KDM2B: variants seen among roughly 807,000 people sequenced by gnomAD.
KDM2B encodes lysine-specific demethylase 2B.
KDM2B carries 26 observed loss-of-function variants against 150.0 expected under a neutral mutation model. The observed-to-expected ratio is 0.17, with a 90% confidence interval of 0.13 to 0.24. The LOEUF (loss-of-function observed/expected upper bound fraction) is 0.24, where lower values mean the gene tolerates loss of function less well. Ranked by LOEUF, KDM2B falls within the 10% of genes least tolerant of loss-of-function variation. KDM2B has a pLI of 1.00. For missense variants in KDM2B, 1,265 were observed against 1,816.9 expected (o/e 0.70, Z 5.52); for synonymous variants, 734 against 729.5 (o/e 1.01, Z -0.10).
chr12:121,440,744 A>C, intron 21 of KDM2B, 72 bp downstream of exon 21: 1 of 1,389,260 alleles, frequency 7.2e-7, no homozygotes, highest in Non-Finnish European at 9.9e-7. Flanking sequence ...CTGGGGTCTG[A>C]GGGTAAAAGC....
chr12:121,435,703 C>T (rs540140952), intron 22 of KDM2B, among the ~76,000 whole-genome samples: 1 of 152,274 alleles, frequency 6.6e-6, no homozygotes, highest in Non-Finnish European at 1.5e-5. Flanking sequence ...CTCCTTCCCC[C>T]ATCAAGCCCC....
chr12:121,569,826 T>TTTTCTTTCTTTC (rs58941915), intron 4 of KDM2B, among the ~76,000 whole-genome samples: 120 of 149,616 alleles, frequency 8.0e-4, no homozygotes, highest in African/African-American at 2.7e-3. Context: ...TTCTTTTTTC[T>TTTTCTTTCTTTC]TTTCTTTCTT....
At chr12:121,561,765 A>C (rs1890354445) in intron 4 of KDM2B, among the ~76,000 whole-genome samples, 1 of 152,224 alleles carries the variant, frequency 6.6e-6, no homozygotes, top group Non-Finnish European at 1.5e-5. Context: ...TGAGCAACTC[A>C]AAAATAATTT....
chr12:121,415,810 A>G, the KDM2B span, among the ~76,000 whole-genome samples: 3 of 151,188 alleles, frequency 2.0e-5, no homozygotes, highest in East Asian at 1.9e-4. Flanking sequence ...GCATATCCCA[A>G]ATATACCACA....
In KDM2B at chr12:121,443,931, C is replaced by G; in HGVS notation, c.2451+81G>C. ...TATCCCAAGCTCTACCTGCTGCCCACCCCCTGCCCCATCCCTCCAACCCAG... is the reference window on the plus strand; with the variant it reads ...TATCCCAAGCTCTACCTGCTGCCCAGCCCCTGCCCCATCCCTCCAACCCAG... On this transcript the variant is annotated intron_variant, in intron 16 of 22. Coordinates refer to ENST00000377071, the MANE Select transcript of KDM2B (RefSeq NM_032590.5). 7 of 1,511,242 alleles carry G rather than the reference C, an allele frequency of 4.6e-6. No homozygotes were observed. In the South Asian group the frequency reaches 8.7e-5, roughly 19 times the overall value. The allele number at this position is 1,511,242 out of a possible 1,614,324, so 93.6% of individuals were successfully genotyped here.
intron 11 of KDM2B, among the ~76,000 whole-genome samples, chr12:121,496,502 T>A (rs1555301011): frequency 6.7e-6 from 1 of 148,870 alleles, no homozygotes; most frequent in Non-Finnish European, 1.5e-5. Flanking sequence ...CCTTTTTTTT[T>A]TTTTTTTTTT....
At chr12:121,411,973 AT>A in the KDM2B span, among the ~76,000 whole-genome samples, 1 of 152,230 alleles carries the variant, frequency 6.6e-6, no homozygotes, top group Non-Finnish European at 1.5e-5. Flanking sequence ...TGCAAACTAA[AT>A]TTTTTAGAAC....
At position 121,453,262 on chromosome 12, in the gene KDM2B, G is replaced by A; in HGVS notation, c.1817C>T (p.Ala606Val). The stretch of plus-strand genomic sequence containing the variant: ...GCGGCATCGCGTCCGGCGCCGCCGA[G>A]CTCCTGCCGTTGTCCGGTTGGCGGC... Reference protein sequence around the residue: ...KLAANRTTAGARRRRTRCRKC... With the variant: ...KLAANRTTAGVRRRRTRCRKC... Residue 606 changes from alanine to valine, a missense_variant, in exon 13 of 23, where the codon GCT (alanine) becomes GTT (valine). By Grantham distance (64) the Ala-to-Val change is moderately conservative. Transcript: ENST00000377071. The surrounding 1 kb of genome is among the most constrained non-coding windows in gnomAD (Gnocchi z 6.4). The A allele has an allele frequency of 6.2e-7, 1 of 1,607,162 alleles. No homozygotes were observed. Among genetic ancestry groups the A allele is most frequent in the Non-Finnish European group, 8.5e-7 (1 of 1,177,654 alleles).
chr12:121,531,108 C>A (rs1887630445), intron 8 of KDM2B, among the ~76,000 whole-genome samples: 1 of 152,100 alleles, frequency 6.6e-6, no homozygotes, highest in Non-Finnish European at 1.5e-5. Context: ...CCACCTCCTT[C>A]CCGAGTCTCC....
chr12:121,544,114 CAAAAAAAAAAAAA>C (rs57873693), intron 6 of KDM2B, among the ~76,000 whole-genome samples: 2 of 42,928 alleles, frequency 4.7e-5, no homozygotes, highest in Admixed American at 4.9e-4. Flanking sequence ...GACCCTGCCT[CAAAAAAAAAAAAA>C]AAAAAAAAAA....
At chr12:121,555,419 C>CTAGA (rs1433974974) in intron 4 of KDM2B, among the ~76,000 whole-genome samples, 1 of 152,160 alleles carries the variant, frequency 6.6e-6, no homozygotes, top group African/African-American at 2.4e-5. Flanking sequence ...GTCTCCCAGG[C>CTAGA]TAGAGTGCAG....
intron 13 of KDM2B, among the ~76,000 whole-genome samples, chr12:121,448,526 C>T (rs1180483668): frequency 1.3e-5 from 2 of 151,978 alleles, no homozygotes; most frequent in Non-Finnish European, 2.9e-5. Context: ...TTGATGCACC[C>T]GGCTGTGAGC....
At chr12:121,527,492 A>T (rs1298972359) in intron 8 of KDM2B, among the ~76,000 whole-genome samples, 1 of 150,652 alleles carries the variant, frequency 6.6e-6, no homozygotes, top group African/African-American at 2.4e-5. Context: ...CTCTACTAAA[A>T]ATACAAAAAA....
At chr12:121,431,295 CTTTTTTTTTT>C (rs71453557) in intron 22 of KDM2B, among the ~76,000 whole-genome samples, 24 of 98,958 alleles carry the variant, frequency 2.4e-4, no homozygotes, top group East Asian at 6.3e-4. Flanking sequence ...CCATGTGCAA[CTTTTTTTTTT>C]TTTTTTTTTT....
chr12:121,538,967 C>T (rs1319564167), intron 6 of KDM2B, among the ~76,000 whole-genome samples: 1 of 152,062 alleles, frequency 6.6e-6, no homozygotes, highest in African/African-American at 2.4e-5. Context: ...TCACCAGAGT[C>T]CCCGCCCTCC....
In KDM2B at chr12:121,430,993, A is replaced by G. The variant is rs76659022; in HGVS notation, c.3830-524T>C. Among the ~76,000 whole-genome samples the G allele has an allele frequency of 0.019, 2,880 of 152,260 alleles. 95 individuals carry two copies. Among genetic ancestry groups the G allele is most frequent in the African/African-American group, 0.065 (2,699 of 41,540 alleles). On this transcript the variant is annotated intron_variant, in intron 22 of 22. Transcript: ENST00000377071. The surrounding 1 kb of genome is among the most constrained non-coding windows in gnomAD (Gnocchi z 4.4). ...TTGCAGGCCGCAGTGCTTTGGAGCA[A>G]TTCACAGCATGAGGGACAGCTGTTT...
At chr12:121,493,064 T>C (rs1487946220) in intron 12 of KDM2B, among the ~76,000 whole-genome samples, 16 of 133,076 alleles carry the variant, frequency 1.2e-4, no homozygotes, top group Non-Finnish European at 2.4e-4. Flanking sequence ...CCTGGCTTTT[T>C]TTTTTTTTTT....
chr12:121,415,306 A>G, the KDM2B span: 1 of 381,926 alleles, frequency 2.6e-6, no homozygotes, highest in Non-Finnish European at 5.7e-6. Context: ...GCGAAAACAG[A>G]GGTTTAAGGA....
intron 6 of KDM2B, 154 bp from the exon 7 acceptor site, chr12:121,534,744 G>A (rs1032011148): frequency 4.2e-5 from 25 of 602,244 alleles, no homozygotes; most frequent in Middle Eastern, 8.0e-4. Flanking sequence ...AAATGTAATC[G>A]GAGTTCCCCA....
Sources: allele counts gnomAD v4.1 joint callset (sites outside exome capture counted in the v4.1 genomes callset), GRCh38; gene constraint gnomAD v4.1.1; non-coding constraint Gnocchi (gnomAD v3.1); transcripts MANE v1.5; gene names NCBI Gene and HGNC (gene_info 2026-07-23, HGNC 2026-07-21).